TRNT1: variants seen among roughly 807,000 people sequenced by gnomAD.
The protein encoded by TRNT1 is CCA tRNA nucleotidyltransferase 1, mitochondrial.
In TRNT1, 44 loss-of-function variants were observed where a neutral mutation model predicts 45.6. The observed-to-expected ratio is 0.97, with a 90% CI of 0.76 to 1.24. The LOEUF (loss-of-function observed/expected upper bound fraction) is 1.24, where lower values mean the gene tolerates loss of function less well. Among genes scored for constraint, TRNT1 ranks in the 50% most tolerant of loss-of-function variants. The pLI is 0.00. For missense variants in TRNT1, 633 were observed against 504.4 expected (o/e 1.25, Z -2.44); for synonymous variants, 201 against 171.4 (o/e 1.17, Z -1.35).
At chr3:3,141,394 T>A (rs2126024802) in intron 4 of TRNT1, among the ~76,000 whole-genome samples, 1 of 152,338 alleles carries the variant, frequency 6.6e-6, no homozygotes, top group African/African-American at 2.4e-5. Context: ...CTTTCATGCA[T>A]GTTTATTCAA....
intron 5 of TRNT1, chr3:3,144,950 C>G (rs973238043): frequency 4.1e-6 from 1 of 243,490 alleles, no homozygotes; most frequent in Non-Finnish European, 7.6e-6. Context: ...TTTAAGTCAT[C>G]TTTTTAAATG....
At chr3:3,150,882 C>T (rs1361120260), downstream of TRNT1, 1 of 1,613,550 alleles carries the variant, frequency 6.2e-7, no homozygotes, top group African/African-American at 1.3e-5. Context: ...CAAAGTATTA[C>T]TTTGTCTGGA....
At position 3,137,415 on chromosome 3, in the gene TRNT1, A is replaced by T. The variant is rs767975550; in HGVS notation, c.304A>T (p.Asn102Tyr). ...MFQSAGIRMINNRGEKHGTIT... is the reference protein window; with the variant it reads ...MFQSAGIRMIYNRGEKHGTIT... ...TCAGTCGGCTGGGATTCGGATGATA[A>T]ACAACAGAGGAGAAAAGCACGGAAC... is the stretch of plus-strand genomic sequence containing the variant. Residue 102 changes from asparagine (N) to tyrosine (Y), a missense_variant, in exon 3 of 8, where the codon AAC (asparagine) becomes TAC (tyrosine). Physicochemically the swap from Asn to Tyr is moderately radical, Grantham distance 143. Coordinates refer to ENST00000251607, the MANE Select transcript of TRNT1 (RefSeq NM_182916.3). 3.7e-6 allele frequency: 6 copies of T among 1,613,456 alleles called. No homozygotes were observed. In the African/African-American group the frequency reaches 8.0e-5, roughly 22 times the overall value.
intron 1 of TRNT1, among the ~76,000 whole-genome samples, chr3:3,128,198 G>A (rs980580528): frequency 7.2e-5 from 11 of 152,288 alleles, no homozygotes; most frequent in African/African-American, 2.6e-4. Context: ...AATCATGGAG[G>A]TTTGGGGAGT....
At position 3,137,335 on chromosome 3, in the gene TRNT1, C is replaced by G; in HGVS notation, c.224C>G (p.Pro75Arg). The change falls in exon 3 of 8, where the codon CCT becomes CGT. Residue 75 changes from proline (P) to arginine (R), a missense_variant. By Grantham distance (103) the Pro-to-Arg change is moderately radical (BLOSUM62 -2). Transcript: ENST00000251607. Reference sequence around the variant, plus strand: ...AGGGATTTATTAAATGGAGTAAAGCCTCAGGATATAGATTTTGCCACCACT... The same window carrying G: ...AGGGATTTATTAAATGGAGTAAAGCGTCAGGATATAGATTTTGCCACCACT... ...AVRDLLNGVKPQDIDFATTAT... is the reference protein window; with the variant it reads ...AVRDLLNGVKRQDIDFATTAT... The G allele has an allele frequency of 6.2e-7, 1 of 1,613,620 alleles. No homozygotes were observed. The highest frequency in any genetic ancestry group is 1.6e-4 in the Middle Eastern group (1 of 6,062).
At chr3:3,133,279 T>C (rs334778) in intron 2 of TRNT1, among the ~76,000 whole-genome samples, 138,733 of 152,144 alleles carry the variant, frequency 0.91, 64,608 homozygotes, top group East Asian at 1. Flanking sequence ...CAGCTAGCTG[T>C]GGTAGCTCAT....
Position 3,129,369 on chromosome 3 carries a change from C to T in TRNT1, c.148+181C>T, listed in dbSNP as rs542067041. ...GGTCTCAAAACTCCTGGGCTCACTCCTTGGCCTCCCAAAATGCTGGGATTA... is the reference window on the plus strand; with the variant it reads ...GGTCTCAAAACTCCTGGGCTCACTCTTTGGCCTCCCAAAATGCTGGGATTA... On this transcript the variant is annotated intron_variant, in intron 2 of 7. Transcript: ENST00000251607. 9.4e-5 allele frequency: 53 copies of T among 565,734 alleles called. No individual in the cohort carries two copies. In the South Asian group the frequency reaches 1.1e-3, roughly 12 times the overall value. 35.0% of individuals were successfully genotyped at this position (565,734 alleles called of 1,614,324 possible).
chr3:3,135,961 G>GAGAGCATTTAAGGTAGT (rs1705303235), intron 2 of TRNT1, among the ~76,000 whole-genome samples: 1 of 152,138 alleles, frequency 6.6e-6, no homozygotes, highest in Admixed American at 6.5e-5. Context: ...GGTCATTTTG[G>GAGAGCATTTAAGGTAGT]AGAGCATTTA....
downstream of TRNT1, chr3:3,149,341 T>TTCTGTATAGAAAGTATG (rs1437519046): frequency 6.6e-6 from 1 of 152,168 alleles, no homozygotes; most frequent in Non-Finnish European, 1.5e-5. Context: ...TACATACTAT[T>TTCTGTATAGAAAGTATG]TCTGTATAGA....
chr3:3,152,439 C>G (rs756222626), downstream of TRNT1: 36 of 1,607,836 alleles, frequency 2.2e-5, no homozygotes, highest in Non-Finnish European at 2.5e-6. Flanking sequence ...AAAAAGCAAC[C>G]ACCACCATAA....
chr3:3,140,709 A>C, intron 4 of TRNT1, 61 bp downstream of exon 4: 2 of 1,556,522 alleles, frequency 1.3e-6, no homozygotes, highest in Non-Finnish European at 1.8e-6. Flanking sequence ...TTCAAGTAAA[A>C]CCTACATTCT....
intron 2 of TRNT1, among the ~76,000 whole-genome samples, chr3:3,133,813 T>C (rs1311134005): frequency 6.6e-6 from 1 of 152,122 alleles, no homozygotes; most frequent in Non-Finnish European, 1.5e-5. Context: ...TCTGTTTTTC[T>C]GTAGTAATGC....
At chr3:3,127,356 G>T (rs1290628405) in intron 1 of TRNT1, 2 of 152,284 alleles carry the variant, frequency 1.3e-5, no homozygotes, top group Non-Finnish European at 2.9e-5. Flanking sequence ...GGAGGTGCGA[G>T]GAAACTGAGT....
chr3:3,148,068 C>G lies in TRNT1; in HGVS notation c.1219C>G (p.Leu407Val). Residue 407 changes from leucine (L) to valine (V), a missense_variant, in exon 8 of 8, where the codon CTA (leucine) becomes GTA (valine). Leu to Val is a conservative substitution (Grantham distance 32). Coordinates refer to ENST00000251607, the MANE Select transcript of TRNT1 (RefSeq NM_182916.3). ...GISSGKEIGA[L>V]LQQLREQWKK... The stretch of plus-strand genomic sequence containing the variant: ...TTCTTCAGGAAAAGAAATTGGGGCT[C>G]TATTACAACAGTTGCGAGAACAGTG... 6.2e-7 allele frequency: 1 copy of G among 1,613,882 alleles called. No homozygotes were observed. The highest frequency in any genetic ancestry group is 8.5e-7 in the Non-Finnish European group (1 of 1,179,846).
chr3:3,140,429 G>A, intron 3 of TRNT1, 81 bp from the exon 4 acceptor site: 1 of 1,462,056 alleles, frequency 6.8e-7, no homozygotes, highest in South Asian at 1.3e-5. Context: ...CCTTTATAAA[G>A]ACAAAAACTT....
chr3:3,143,363 TTA>T (rs759351469), intron 4 of TRNT1, among the ~76,000 whole-genome samples: 6 of 152,208 alleles, frequency 3.9e-5, no homozygotes, highest in Non-Finnish European at 5.9e-5. Flanking sequence ...AAAATTAGTT[TTA>T]TGTCACTTTT....
intron 2 of TRNT1, chr3:3,129,873 AT>A: frequency 1.3e-6 from 2 of 1,550,582 alleles, no homozygotes; most frequent in South Asian, 2.4e-5. Flanking sequence ...ACGCAGATTG[AT>A]TTCAGAGCCC....
Position 3,147,704 on chromosome 3 carries a change from G to A in TRNT1, c.1056+1G>A, listed in dbSNP as rs369179242. ...ACCCTATCAAGACTTCATTATAGAT[G>A]TAAGTATATACTAGGCTTGGTCAGA... On this transcript the variant is annotated splice_donor_variant, in intron 7 of 7. Transcript: ENST00000251607. LOFTEE classifies it high-confidence loss of function. The A allele has an allele frequency of 5.0e-6, 8 of 1,607,778 alleles. No homozygotes were observed. Among genetic ancestry groups the A allele is most frequent in the East Asian group, 2.2e-5 (1 of 44,808 alleles).
chr3:3,141,893 T>A (rs576444149), intron 4 of TRNT1, among the ~76,000 whole-genome samples: 5 of 152,328 alleles, frequency 3.3e-5, no homozygotes, highest in Admixed American at 2.6e-4. Context: ...CAACATTGGG[T>A]ACCTGATATA....
Sources: allele counts gnomAD v4.1 joint callset (sites outside exome capture counted in the v4.1 genomes callset), GRCh38; gene constraint gnomAD v4.1.1; transcripts MANE v1.5; gene names NCBI Gene and HGNC (gene_info 2026-07-23, HGNC 2026-07-21).